Variants in DMXL2 observed in about 807,000 individuals in gnomAD.
The protein encoded by DMXL2 is Dmx like 2.
In DMXL2, 103 loss-of-function variants were observed where a neutral mutation model predicts 331.1. The observed-to-expected ratio is 0.31, with a 90% CI of 0.27 to 0.37. The LOEUF (loss-of-function observed/expected upper bound fraction) is 0.37, where lower values mean the gene tolerates loss of function less well. DMXL2 is among the 10% of genes least tolerant of loss of function. The pLI is 1.00. For synonymous variants in DMXL2, 1,281 were observed against 1,252.1 expected (o/e 1.02, Z -0.49); for missense variants, 3,171 against 3,642.9 (o/e 0.87, Z 3.33).
chr15:51,602,432 G>A (rs545867881), intron 1 of DMXL2, among the ~76,000 whole-genome samples: 1 of 152,116 alleles, frequency 6.6e-6, no homozygotes, highest in Non-Finnish European at 1.5e-5. Flanking sequence ...GATCCACGTT[G>A]CTCTTTTTCT....
At chr15:51,487,280 A>T (rs1478687484) in intron 22 of DMXL2, among the ~76,000 whole-genome samples, 2 of 152,156 alleles carry the variant, frequency 1.3e-5, no homozygotes, top group African/African-American at 4.8e-5. Flanking sequence ...AATTTCATTT[A>T]AAAAAACAGC....
At chr15:51,516,701 T>C (rs1198814998) in intron 14 of DMXL2, among the ~76,000 whole-genome samples, 1 of 152,216 alleles carries the variant, frequency 6.6e-6, no homozygotes, top group African/African-American at 2.4e-5. Context: ...ATGGATGAAC[T>C]AGTAGTGAAT....
At chr15:51,470,850 A>C (rs976627536) in intron 29 of DMXL2, among the ~76,000 whole-genome samples, 8 of 152,118 alleles carry the variant, frequency 5.3e-5, no homozygotes, top group Admixed American at 1.3e-4. Flanking sequence ...AAAACCGCCA[A>C]ATGTCCATCC....
intron 25 of DMXL2, among the ~76,000 whole-genome samples, chr15:51,478,922 T>TAA (rs150706643): frequency 1.1e-4 from 16 of 150,580 alleles, no homozygotes; most frequent in East Asian, 5.8e-4. Context: ...TCCATATAAT[T>TAA]AAAAAAAAAC....
Position 51,448,764 on chromosome 15 carries a change from C to T in DMXL2, c.*220G>A. ...AATGCTGTAAAGAATAGCTATCCTT[C>T]ATACAATACTAGGTTTTATTTTTTT... On this transcript the variant is annotated 3_prime_UTR_variant, in exon 44 of 44. Coordinates refer to ENST00000560891, the MANE Select transcript of DMXL2 (RefSeq NM_001378457.1). 1 of 554,140 alleles carries T rather than the reference C, an allele frequency of 1.8e-6. No individual in the cohort carries two copies. Among genetic ancestry groups the T allele is most frequent in the Non-Finnish European group, 3.2e-6 (1 of 312,634 alleles). The allele number at this position is 554,140 out of a possible 1,614,324, so 34.3% of individuals were successfully genotyped here. A position where few individuals can be genotyped will look rare whatever the true frequency, so the allele number is the denominator to read the frequency against.
intron 1 of DMXL2, among the ~76,000 whole-genome samples, chr15:51,591,820 C>T (rs1489161802): frequency 6.6e-6 from 1 of 152,176 alleles, no homozygotes; most frequent in East Asian, 1.9e-4. Context: ...TGGAGTGGAC[C>T]TCCAGCAAAC....
chr15:51,495,970 T>G (rs906367405), intron 18 of DMXL2, among the ~76,000 whole-genome samples: 5 of 152,060 alleles, frequency 3.3e-5, no homozygotes, highest in Non-Finnish European at 7.4e-5. Context: ...TGCAAAAGTA[T>G]TTACAGTTTT....
At chr15:51,476,504 C>T in intron 27 of DMXL2, 85 bp downstream of exon 27, 2 of 1,481,298 alleles carry the variant, frequency 1.4e-6, no homozygotes. Flanking sequence ...CTAAATCCAG[C>T]AACAAGCAGG....
At chr15:51,522,206 C>T (rs1460965901) in intron 13 of DMXL2, among the ~76,000 whole-genome samples, 2 of 152,228 alleles carry the variant, frequency 1.3e-5, no homozygotes, top group Non-Finnish European at 1.5e-5. Flanking sequence ...TAAATCTCTT[C>T]TTGATGACTG....
At chr15:51,606,490 C>G (rs769403482) in intron 1 of DMXL2, among the ~76,000 whole-genome samples, 1 of 152,274 alleles carries the variant, frequency 6.6e-6, no homozygotes, top group East Asian at 1.9e-4. Flanking sequence ...CCATGGCGCC[C>G]GGCCACTTGT....
At chr15:51,453,774 A>G (rs763982493) in intron 40 of DMXL2, 133 bp from the exon 41 acceptor site, 27 of 680,642 alleles carry the variant, frequency 4.0e-5, no homozygotes, top group Non-Finnish European at 6.4e-5. Context: ...GGTCTAGGAT[A>G]AAAGAATAAG....
At chr15:51,470,512 C>A (rs2041001600) in intron 29 of DMXL2, among the ~76,000 whole-genome samples, 1 of 152,056 alleles carries the variant, frequency 6.6e-6, no homozygotes, top group Non-Finnish European at 1.5e-5. Context: ...TACAAAAAAA[C>A]GGAGCGGGAT....
At chr15:51,503,466 C>G (rs1007088876) in intron 16 of DMXL2, among the ~76,000 whole-genome samples, 2 of 152,068 alleles carry the variant, frequency 1.3e-5, no homozygotes, top group Non-Finnish European at 2.9e-5. Flanking sequence ...TGAAATAAGC[C>G]AGGCACAGAA....
At position 51,509,868 on chromosome 15, in the gene DMXL2, C is replaced by T. The variant is rs60490752; in HGVS notation, c.2645-2615G>A. Among the ~76,000 whole-genome samples, 413 of 152,246 alleles carry T rather than the reference C, an allele frequency of 2.7e-3. 18 individuals carry two copies. In the East Asian group the frequency reaches 0.064, roughly 24 times the overall value. On this transcript the variant is annotated intron_variant, in intron 15 of 43. Coordinates refer to ENST00000560891, the MANE Select transcript of DMXL2 (RefSeq NM_001378457.1). ...AAAAGCTTATCCACCACGATCAAGT[C>T]GGCTTCATCCCTGGGATGAGAGGCT...
At chr15:51,475,639 A>G (rs1159495735) in intron 27 of DMXL2, among the ~76,000 whole-genome samples, 3 of 152,234 alleles carry the variant, frequency 2.0e-5, no homozygotes, top group Non-Finnish European at 4.4e-5. Flanking sequence ...GACTTTACTC[A>G]ATATAAGAGG....
intron 31 of DMXL2, 122 bp downstream of exon 31, chr15:51,465,444 T>C (rs571900775): frequency 9.4e-5 from 71 of 756,744 alleles, no homozygotes; most frequent in South Asian, 8.0e-4. Flanking sequence ...AACAAGACTT[T>C]ATAAAATATC....
chr15:51,622,436 T>G, intron 1 of DMXL2, 23 bp downstream of exon 1: 1 of 1,552,700 alleles, frequency 6.4e-7, no homozygotes, highest in Non-Finnish European at 8.7e-7. Flanking sequence ...TATCTTCCCC[T>G]AGGGCTCCCG....
chr15:51,566,491 AG>A (rs1434215420), intron 3 of DMXL2, among the ~76,000 whole-genome samples: 1 of 152,138 alleles, frequency 6.6e-6, no homozygotes, highest in Non-Finnish European at 1.5e-5. Flanking sequence ...TGTTCCTCAG[AG>A]TGCAATCTGT....
chr15:51,482,323 A>G (rs1159436424), intron 23 of DMXL2, among the ~76,000 whole-genome samples: 5 of 152,188 alleles, frequency 3.3e-5, no homozygotes, highest in Admixed American at 6.5e-5. Context: ...AAAAATATCT[A>G]TATTATTATT....
Sources: allele counts gnomAD v4.1 joint callset (sites outside exome capture counted in the v4.1 genomes callset), GRCh38; gene constraint gnomAD v4.1.1; transcripts MANE v1.5; gene names NCBI Gene and HGNC (gene_info 2026-07-23, HGNC 2026-07-21).